P4HA3: variants seen among roughly 807,000 people sequenced by gnomAD.
P4HA3 encodes prolyl 4-hydroxylase subunit alpha-3.
A neutral mutation model predicts 66.7 loss-of-function variants in P4HA3; 60 were observed. The ratio of observed to expected loss-of-function variants is 0.90; its 90% CI spans 0.73 to 1.12. The LOEUF (loss-of-function observed/expected upper bound fraction) is 1.12. Among genes scored for constraint, P4HA3 ranks in the 50% most tolerant of loss-of-function variants. The pLI is 0.00. For missense variants in P4HA3, 683 were observed against 685.8 expected, an observed-to-expected ratio of 1.00 and a Z score of 0.05; for synonymous variants, 263 against 274.6, an observed-to-expected ratio of 0.96 and a Z score of 0.42.
chr11:74,306,687 T>C (rs1861590372), intron 1 of P4HA3, among the ~76,000 whole-genome samples: 2 of 152,310 alleles, frequency 1.3e-5, no homozygotes, highest in Non-Finnish European at 1.5e-5. Flanking sequence ...CAGAGTCTTA[T>C]CTGAGGATTT....
intron 9 of P4HA3, among the ~76,000 whole-genome samples, chr11:74,275,834 GA>G (rs771406843): frequency 1.3e-5 from 2 of 152,140 alleles, no homozygotes; most frequent in South Asian, 2.1e-4. Context: ...TTATATTACA[GA>G]AAAAACACCT....
intron 14 of P4HA3, among the ~76,000 whole-genome samples, chr11:74,261,036 G>C (rs1159583886): frequency 6.6e-6 from 1 of 152,190 alleles, no homozygotes; most frequent in Admixed American, 6.5e-5. Flanking sequence ...CATGCCCACT[G>C]ACCCACCTGT....
chr11:74,298,428 AAAGAAT>A, intron 3 of P4HA3, 67 bp from the exon 4 acceptor site: 1 of 1,545,084 alleles, frequency 6.5e-7, no homozygotes, highest in Non-Finnish European at 8.7e-7. Flanking sequence ...ATGACAATTC[AAAGAAT>A]AAGAGGGACT....
Position 74,285,948 on chromosome 11 carries a change from T to C in P4HA3, c.971A>G (p.Tyr324Cys), listed in dbSNP as rs369604158. The change falls in exon 7 of 13, where the codon TAT becomes TGT. Residue 324 changes from tyrosine to cysteine, a missense_variant. Tyr to Cys is a radical substitution (Grantham distance 194). Coordinates refer to ENST00000331597, the MANE Select transcript of P4HA3 (RefSeq NM_182904.5). ...CAGGTAGGCGTTGGAATTGGTCTCA[T>C]AGGAACAGTAGAGGCTAGGGATCTG... ...LYQIPSLYCS[Y>C]ETNSNAYLLL... 55 of 1,610,684 alleles carry C rather than the reference T, an allele frequency of 3.4e-5. No individual in the cohort carries two copies. The highest frequency in any genetic ancestry group is 6.7e-5 in the Admixed American group (4 of 60,004).
chr11:74,308,911 C>T (rs1047104466), intron 1 of P4HA3, among the ~76,000 whole-genome samples: 2 of 152,122 alleles, frequency 1.3e-5, no homozygotes, highest in Non-Finnish European at 2.9e-5. Context: ...CATCATTTTA[C>T]AGATTAGGAA....
At chr11:74,255,182 C>G (rs148569592) in intron 15 of P4HA3, among the ~76,000 whole-genome samples, 175 of 152,334 alleles carry the variant, frequency 1.1e-3, no homozygotes, top group African/African-American at 4.1e-3. Context: ...TCCAGCGTTT[C>G]CTGGCTCAAT....
At chr11:74,304,213 C>A (rs1422776254) in intron 2 of P4HA3, 57 bp downstream of exon 2, 6 of 1,591,474 alleles carry the variant, frequency 3.8e-6, no homozygotes, top group South Asian at 1.1e-5. Flanking sequence ...TCTCTCCTTA[C>A]CACCGAGTCA....
chr11:74,283,221 G>A (rs1860669180), intron 7 of P4HA3, among the ~76,000 whole-genome samples: 1 of 152,124 alleles, frequency 6.6e-6, no homozygotes, highest in African/African-American at 2.4e-5. Flanking sequence ...CATGCTAAAT[G>A]GACGACATGG....
intron 3 of P4HA3, among the ~76,000 whole-genome samples, chr11:74,299,203 C>A (rs1861321388): frequency 6.6e-6 from 1 of 152,160 alleles, no homozygotes; most frequent in Admixed American, 6.5e-5. Flanking sequence ...GCAACACGTA[C>A]CAGACACAGC....
chr11:74,251,697 C>T (rs1859668467), intron 15 of P4HA3: 1 of 1,613,960 alleles, frequency 6.2e-7, no homozygotes, highest in Non-Finnish European at 8.5e-7. Flanking sequence ...TTTGCAGAAC[C>T]CATCGGTGGA....
chr11:74,305,246 G>A (rs1437041184), intron 1 of P4HA3, among the ~76,000 whole-genome samples: 1 of 152,064 alleles, frequency 6.6e-6, no homozygotes, highest in Non-Finnish European at 1.5e-5. Flanking sequence ...GGAAGGAAAG[G>A]CTTCCAAGAA....
chr11:74,273,745 G>C, intron 9 of P4HA3, 138 bp from the exon 10 acceptor site: 1 of 555,096 alleles, frequency 1.8e-6, no homozygotes, highest in Non-Finnish European at 2.8e-6. Context: ...ACCTACTGGA[G>C]TATGTGCCCG....
chr11:74,293,664 T>C (rs1307482063), intron 4 of P4HA3, among the ~76,000 whole-genome samples: 1 of 152,218 alleles, frequency 6.6e-6, no homozygotes, highest in African/African-American at 2.4e-5. Context: ...CCTCCCAGCA[T>C]TTGCTTGTCT....
rs767766911 is a variant in P4HA3, at chr11:74,253,525, C to T, written c.*1319-5524G>A. 5.0e-6 allele frequency: 8 copies of T among 1,602,854 alleles called. No homozygotes were observed. The South Asian group carries it at 6.6e-5, about 13-fold the overall frequency. On this transcript the variant is annotated intron_variant and NMD_transcript_variant, in intron 15 of 15. Transcript: ENST00000524388. Reference sequence around the variant, plus strand: ...CTGGCTGTTAGTGACCTGCTGTCCACCCCTCCTCAACATCGAGCTCTGTTG... The same window carrying T: ...CTGGCTGTTAGTGACCTGCTGTCCATCCCTCCTCAACATCGAGCTCTGTTG...
intron 1 of P4HA3, among the ~76,000 whole-genome samples, chr11:74,306,966 T>C (rs986322786): frequency 1.3e-5 from 2 of 152,168 alleles, no homozygotes; most frequent in Admixed American, 1.3e-4. Context: ...TCTCCTGCTT[T>C]GGCTCCGTAT....
rs1233642240 is a variant in P4HA3, at chr11:74,279,527, A to G, written c.1111-75T>C. 3 of 1,404,850 alleles carry G rather than the reference A, an allele frequency of 2.1e-6. No homozygotes were observed. In the African/African-American group the frequency reaches 4.2e-5, roughly 20 times the overall value. The allele number at this position is 1,404,850 out of a possible 1,614,324, so 87.0% of individuals were successfully genotyped here. A position where few individuals can be genotyped will look rare whatever the true frequency, so the allele number is the denominator to read the frequency against. On this transcript the variant is annotated intron_variant, in intron 7 of 12. Transcript: ENST00000331597. ...AAAGTTTTGTCACTTCCACAGACAT[A>G]TTTCTCTCTTAAGCATCAACATAAC...
chr11:74,286,289 T>C lies in P4HA3; in HGVS notation c.872A>G (p.Asn291Ser), dbSNP rs768132785. The C allele has an allele frequency of 1.2e-6, 2 of 1,612,468 alleles. No individual in the cohort carries two copies. Among genetic ancestry groups the C allele is most frequent in the Non-Finnish European group, 8.5e-7 (1 of 1,179,478 alleles). ...GTCTCTGGTCTGCAGGTGGGGTATA[T>C]TGGGCCTCTGGATGACAGCCTCAGC... is the stretch of plus-strand genomic sequence containing the variant. ...VVAEAVIQRP[N>S]IPHLQTRDTY... The change falls in exon 6 of 13, where the codon AAT becomes AGT. Residue 291 changes from asparagine to serine, a missense_variant. Coordinates refer to ENST00000331597, the MANE Select transcript of P4HA3 (RefSeq NM_182904.5).
At chr11:74,255,676 G>A (rs571755905) in intron 15 of P4HA3, among the ~76,000 whole-genome samples, 1 of 152,272 alleles carries the variant, frequency 6.6e-6, no homozygotes, top group South Asian at 2.1e-4. Flanking sequence ...CTGTTACATT[G>A]TTATAGTTAG....
In P4HA3 at chr11:74,266,744, T is replaced by C. The variant is rs1251916938; in HGVS notation, c.*504A>G. 7.2e-6 allele frequency: 2 copies of C among 278,748 alleles called. No individual in the cohort carries two copies. The highest frequency in any genetic ancestry group is 1.3e-5 in the Non-Finnish European group (2 of 148,960). The allele number at this position is 278,748 out of a possible 1,614,324, so 17.3% of individuals were successfully genotyped here. ...GTTTTCAACTTAAAAAAAATCCTTA[T>C]ATAATGTACCACTCATCTGGGATAT... On this transcript the variant is annotated 3_prime_UTR_variant, in exon 13 of 13. Coordinates refer to ENST00000331597, the MANE Select transcript of P4HA3 (RefSeq NM_182904.5).
Sources: allele counts gnomAD v4.1 joint callset (sites outside exome capture counted in the v4.1 genomes callset), GRCh38; gene constraint gnomAD v4.1.1; transcripts MANE v1.5; gene names NCBI Gene and HGNC (gene_info 2026-07-23, HGNC 2026-07-21).